Variants in STEEP1 observed in about 807,000 individuals in gnomAD.
STEEP1 encodes the protein STING1 ER exit protein 1, also known as STING ER exit protein.
In STEEP1, 3 loss-of-function variants were observed where a neutral mutation model predicts 19.2. That is an observed-to-expected ratio of 0.16 (90% CI 0.07 to 0.40). STEEP1 has a LOEUF of 0.40. Ranked by LOEUF, STEEP1 falls within the 10% of genes least tolerant of loss-of-function variation. STEEP1 has a pLI of 0.99. For synonymous variants in STEEP1, 46 were observed against 63.7 expected (o/e 0.72, Z 1.32); for missense variants, 54 against 177.1 (o/e 0.30, Z 3.94).
intron 4 of STEEP1, 85 bp downstream of exon 4, chrX:119,544,268 C>A: frequency 1.4e-6 from 1 of 717,193 alleles, no homozygotes; most frequent in African/African-American, 2.1e-5. Flanking sequence ...CCATAAAGAG[C>A]AGTTTCTCAT....
chrX:119,543,822 T>C (rs1373521894), intron 4 of STEEP1, among the ~76,000 whole-genome samples: 1 of 111,908 alleles, frequency 8.9e-6, no homozygotes. Flanking sequence ...TTGTTTTTAA[T>C]TGTTCAAAAA....
chrX:119,559,909 C>T (rs1270929792), intron 2 of STEEP1, among the ~76,000 whole-genome samples: 1 of 111,574 alleles, frequency 9.0e-6, no homozygotes, highest in Non-Finnish European at 1.9e-5. Flanking sequence ...ATTAGCTGGG[C>T]GTGGTGGCGC....
rs1251659367 is a variant in STEEP1 at position 119,538,420 on chromosome X, C to CTTTT, written c.*1303_*1306dup. 11 of 92,841 alleles carry CTTTT rather than the reference C, an allele frequency of 1.2e-4. No individual in the cohort carries two copies. The highest frequency in any genetic ancestry group is 1.7e-4 in the Non-Finnish European group (8 of 46,444). 7.7% of individuals were successfully genotyped at this position (92,841 alleles called of 1,213,427 possible). A position where few individuals can be genotyped will look rare whatever the true frequency, so the allele number is the denominator to read the frequency against. Reference sequence around the variant, plus strand: ...GAGGGTAGCTCCCTCCCTTGGGTTACTTTTTTTTTTTTTTTTTTTTGTAGA... The same window carrying CTTTT: ...GAGGGTAGCTCCCTCCCTTGGGTTACTTTTTTTTTTTTTTTTTTTTTTTTGTAGA... On this transcript the variant is annotated 3_prime_UTR_variant, in exon 7 of 7. Coordinates refer to ENST00000644802, the MANE Select transcript of STEEP1 (RefSeq NM_022101.4).
chrX:119,556,017 T>C (rs1293598875), intron 2 of STEEP1, among the ~76,000 whole-genome samples: 1 of 111,972 alleles, frequency 8.9e-6, no homozygotes, highest in Non-Finnish European at 1.9e-5. Flanking sequence ...TGAGCACTGG[T>C]TGAGACCCAA....
rs1165663940 is a variant in STEEP1 at position 119,538,341 on chromosome X, T to C, written c.*1386A>G. On this transcript the variant is annotated 3_prime_UTR_variant, in exon 7 of 7. Transcript: ENST00000644802. ...TATCTTGCTATCATTTCTTAATCTA[T>C]AACGTCTCCCTCCCATGTATCCATG... The C allele has an allele frequency of 9.0e-6, 1 of 110,579 alleles. No individual in the cohort carries two copies. The highest frequency in any genetic ancestry group is 1.9e-5 in the Non-Finnish European group (1 of 52,897). The allele number at this position is 110,579 out of a possible 1,213,427, so 9.1% of individuals were successfully genotyped here.
chrX:119,540,411 A>C (rs949560912), intron 6 of STEEP1, among the ~76,000 whole-genome samples: 2 of 111,785 alleles, frequency 1.8e-5, no homozygotes, highest in Non-Finnish European at 3.8e-5. Flanking sequence ...GGCAAGGTAA[A>C]GCAGCTCCCA....
At position 119,547,237 on chromosome X, in the gene STEEP1, A is replaced by G. The variant is rs148097312; in HGVS notation, c.243-1733T>C. ...GATAAAGAGTTACTTCATTCTTTACAAGGACCGCATTGTATTCCTTTGTAT... is the reference window on the plus strand; with the variant it reads ...GATAAAGAGTTACTTCATTCTTTACGAGGACCGCATTGTATTCCTTTGTAT... On this transcript the variant is annotated intron_variant, in intron 2 of 6. Coordinates refer to ENST00000644802, the MANE Select transcript of STEEP1 (RefSeq NM_022101.4). Among the ~76,000 whole-genome samples, 955 of 112,355 alleles carry G rather than the reference A, an allele frequency of 8.5e-3. 11 individuals are homozygous for G. Among genetic ancestry groups the G allele is most frequent in the African/African-American group, 0.03 (923 of 31,010 alleles).
In STEEP1 at chrX:119,544,390, G is replaced by A. The variant is rs753049409; in HGVS notation, c.386C>T (p.Thr129Met). ...VVKFGQGFGKTNIYTQKQEPP... is the reference protein window; with the variant it reads ...VVKFGQGFGKMNIYTQKQEPP... ...CTCTTGTTTCTGAGTATATATGTTCGTTTTCCCAAAGCCCTGGCCAAACTT... is the reference window on the plus strand; with the variant it reads ...CTCTTGTTTCTGAGTATATATGTTCATTTTCCCAAAGCCCTGGCCAAACTT... The change falls in exon 4 of 7, where the codon ACG becomes ATG. Residue 129 changes from threonine to methionine, a missense_variant. Physicochemically the swap from Thr to Met is moderately conservative, Grantham distance 81. Coordinates refer to ENST00000644802, the MANE Select transcript of STEEP1 (RefSeq NM_022101.4). 6 of 1,207,408 alleles carry A rather than the reference G, an allele frequency of 5.0e-6. No individual in the cohort carries two copies. The South Asian group carries it at 5.3e-5, about 11-fold the overall frequency.
At chrX:119,552,771 A>G (rs2053252334) in intron 2 of STEEP1, among the ~76,000 whole-genome samples, 1 of 112,771 alleles carries the variant, frequency 8.9e-6, no homozygotes, top group African/African-American at 3.2e-5. Flanking sequence ...AGAGGTGTCC[A>G]ATCTTTTGCA....
intron 5 of STEEP1, among the ~76,000 whole-genome samples, chrX:119,542,075 T>C (rs201002444): frequency 2.8e-4 from 4 of 14,245 alleles, no homozygotes; most frequent in African/African-American, 7.2e-4. Context: ...TTTTTTTTTT[T>C]TTTTTTTTTT....
rs6655503 is a variant in STEEP1, at chrX:119,556,937, A to G, written c.242+3331T>C. Among the ~76,000 whole-genome samples the G allele has an allele frequency of 2.5e-3, 277 of 109,814 alleles. 1 individual carries two copies. Among genetic ancestry groups the G allele is most frequent in the African/African-American group, 8.4e-3 (254 of 30,301 alleles). On this transcript the variant is annotated intron_variant, in intron 2 of 6. Transcript: ENST00000644802. ...AGAATCCAAAGGATTGAGAAGGCCA[A>G]AGAAGGAGAAGGAGGCTCACAAGAG...
In STEEP1 at chrX:119,538,671, G is replaced by C. The variant is rs1366803401; in HGVS notation, c.*1056C>G. Reference sequence around the variant, plus strand: ...GGCTGGTCTCAAACTCCTGAGCTCAGGCAATCTGCCCGCCTCTGCCTCCCA... The same window carrying C: ...GGCTGGTCTCAAACTCCTGAGCTCACGCAATCTGCCCGCCTCTGCCTCCCA... On this transcript the variant is annotated 3_prime_UTR_variant, in exon 7 of 7. Coordinates refer to ENST00000644802, the MANE Select transcript of STEEP1 (RefSeq NM_022101.4). The C allele has an allele frequency of 9.1e-6, 1 of 110,267 alleles. No homozygotes were observed. The highest frequency in any genetic ancestry group is 1.9e-5 in the Non-Finnish European group (1 of 52,799). 9.1% of individuals were successfully genotyped at this position (110,267 alleles called of 1,213,427 possible).
At position 119,539,767 on chromosome X, in the gene STEEP1, G is replaced by A. The variant is rs764134233; in HGVS notation, c.629C>T (p.Ala210Val). 2 of 1,205,592 alleles carry A rather than the reference G, an allele frequency of 1.7e-6. No individual in the cohort carries two copies. Among genetic ancestry groups the A allele is most frequent in the East Asian group, 3.0e-5 (1 of 33,776 alleles). ...QELAELEAKK[A>V]KMKGTLIDNQ... ...GTCAATCAAGGTCCCCTTCATTTTC[G>A]CTTTCTTGGCTTCCAATTCAGCCTA... Residue 210 changes from alanine to valine, a missense_variant, in exon 7 of 7, where the codon GCG (alanine) becomes GTG (valine). Transcript: ENST00000644802.
At chrX:119,553,097 T>C (rs1404410718) in intron 2 of STEEP1, among the ~76,000 whole-genome samples, 3 of 100,908 alleles carry the variant, frequency 3.0e-5, no homozygotes, top group Non-Finnish European at 2.0e-5. Context: ...GAGGTTACAG[T>C]GAACGGAGAT....
In STEEP1 at chrX:119,565,223, G is replaced by T. The variant is rs781046418; in HGVS notation, c.124+9C>A. 5 of 1,197,407 alleles carry T rather than the reference G, an allele frequency of 4.2e-6. No individual in the cohort carries two copies. The African/African-American group carries it at 8.8e-5, about 21-fold the overall frequency. On this transcript the variant is annotated intron_variant, in intron 1 of 6. Coordinates refer to ENST00000644802, the MANE Select transcript of STEEP1 (RefSeq NM_022101.4). ...CTTGCAGACGCCCCCGCAGTTCCCG[G>T]CTACTCACCCAGCACTAGGACCATC...
chrX:119,540,740 A>C (rs2053156850), intron 6 of STEEP1, among the ~76,000 whole-genome samples: 1 of 112,358 alleles, frequency 8.9e-6, no homozygotes, highest in Admixed American at 9.5e-5. Context: ...TTGGACCACA[A>C]GAAGCAGATT....
chrX:119,545,671 C>G (rs996977088), intron 2 of STEEP1, among the ~76,000 whole-genome samples, 167 bp from the exon 3 acceptor site: 2 of 110,746 alleles, frequency 1.8e-5, no homozygotes, highest in African/African-American at 6.5e-5. Flanking sequence ...CTGAGGCGGG[C>G]GGATCACCTG....
intron 2 of STEEP1, among the ~76,000 whole-genome samples, chrX:119,555,086 G>A (rs1226092543): frequency 2.9e-5 from 3 of 103,828 alleles, no homozygotes; most frequent in Non-Finnish European, 3.9e-5. Flanking sequence ...TCTAGCCTGC[G>A]TGACAGAGTG....
intron 2 of STEEP1, among the ~76,000 whole-genome samples, chrX:119,546,336 G>C (rs1286805680): frequency 9.3e-6 from 1 of 107,849 alleles, no homozygotes; most frequent in Non-Finnish European, 1.9e-5. Flanking sequence ...AGCTACTCAG[G>C]AGGCTGAGGC....
Sources: gnomAD v4.1 joint callset for allele counts (sites outside exome capture counted in the v4.1 genomes callset) on GRCh38, gnomAD v4.1.1 for gene constraint, MANE v1.5 for transcripts, NCBI Gene and HGNC (gene_info 2026-07-23, HGNC 2026-07-21) for gene names.